The following RXRA variants were observed in gnomAD, a reference collection of about 807,000 sequenced individuals.
RXRA encodes retinoic acid receptor RXR-alpha.
In RXRA, 5 loss-of-function variants were observed where a neutral mutation model predicts 44.5. That is an observed-to-expected ratio of 0.11 (90% CI 0.06 to 0.24). RXRA has a LOEUF of 0.24. RXRA is among the 10% of genes least tolerant of loss of function. The pLI is 1.00. For synonymous variants in RXRA, 291 were observed against 271.4 expected, an observed-to-expected ratio of 1.07 and a Z score of -0.71; for missense variants, 412 against 646.5, an observed-to-expected ratio of 0.64 and a Z score of 3.93.
At chr9:134,369,672 A>C (rs758548912) in intron 1 of RXRA, among the ~76,000 whole-genome samples, 1 of 151,888 alleles carries the variant, frequency 6.6e-6, no homozygotes, top group African/African-American at 2.4e-5. Context: ...CATGGGAGTC[A>C]TGGGCCTGGG....
In RXRA at chr9:134,343,849, A is replaced by C. The variant is rs1830117146; in HGVS notation, c.28+17190A>C. ...GTGTTTCTTCCCGGAAGGCGGGGCC[A>C]GCTGGCTGGGTCAGCAGATGGGCTC... On this transcript the variant is annotated intron_variant, in intron 1 of 9. Coordinates refer to ENST00000481739, the MANE Select transcript of RXRA (RefSeq NM_002957.6). This position sits in a 1 kb window ranked among gnomAD's most constrained non-coding sequence, Gnocchi z 4.1. 6.6e-6 allele frequency among the ~76,000 whole-genome samples: 1 copy of C among 152,108 alleles called. No homozygotes were observed. Among genetic ancestry groups the C allele is most frequent in the African/African-American group, 2.4e-5 (1 of 41,434 alleles).
intron 2 of RXRA, among the ~76,000 whole-genome samples, chr9:134,406,891 C>T (rs2119153645): frequency 1.3e-5 from 2 of 152,382 alleles, no homozygotes; most frequent in South Asian, 4.1e-4. Flanking sequence ...CTTCAGTTCC[C>T]TCCCTTCTCT....
intron 1 of RXRA, among the ~76,000 whole-genome samples, chr9:134,348,600 C>T (rs1830183167): frequency 6.6e-6 from 1 of 152,232 alleles, no homozygotes; most frequent in Admixed American, 6.5e-5. Context: ...CTGAGTTCAT[C>T]CAGGCTTGAA....
intron 1 of RXRA, among the ~76,000 whole-genome samples, chr9:134,395,781 C>T (rs2119130597): frequency 6.6e-6 from 1 of 152,374 alleles, no homozygotes; most frequent in South Asian, 2.1e-4. Flanking sequence ...CTGGGTCTCT[C>T]CTAACTATTC....
chr9:134,430,024 T>C (rs1831505740), intron 7 of RXRA, among the ~76,000 whole-genome samples: 1 of 152,176 alleles, frequency 6.6e-6, no homozygotes, highest in Non-Finnish European at 1.5e-5. Context: ...TAGCTGGAAC[T>C]ACAGGCGCCC....
intron 1 of RXRA, among the ~76,000 whole-genome samples, chr9:134,347,489 A>AGGGG (rs1180183688): frequency 6.6e-6 from 1 of 152,064 alleles, no homozygotes; most frequent in Non-Finnish European, 1.5e-5. Context: ...GCCGAGCAGG[A>AGGGG]GGGGGGCCTG....
intron 1 of RXRA, among the ~76,000 whole-genome samples, chr9:134,382,900 G>A (rs1365516788): frequency 1.3e-5 from 2 of 152,206 alleles, no homozygotes. Flanking sequence ...CACCTGTCGA[G>A]TTCTTGGAGC....
At chr9:134,395,043 C>T (rs951187585) in intron 1 of RXRA, among the ~76,000 whole-genome samples, 4 of 152,228 alleles carry the variant, frequency 2.6e-5, no homozygotes, top group Admixed American at 6.5e-5. Context: ...AGGCAGAGGC[C>T]GGACAGGAGT....
chr9:134,413,640 C>T (rs908495937), intron 4 of RXRA, among the ~76,000 whole-genome samples: 1 of 152,206 alleles, frequency 6.6e-6, no homozygotes, highest in Non-Finnish European at 1.5e-5. Flanking sequence ...CTACCCAAGC[C>T]AGAGGAGCCA....
At chr9:134,429,064 G>C in intron 6 of RXRA, 44 bp from the exon 7 acceptor site, 1 of 1,608,670 alleles carries the variant, frequency 6.2e-7, no homozygotes, top group Non-Finnish European at 8.5e-7. Flanking sequence ...GGCGAGCCCC[G>C]TGGGGCCTGG....
At chr9:134,338,536 C>T (rs1465636532) in intron 1 of RXRA, among the ~76,000 whole-genome samples, 4 of 152,194 alleles carry the variant, frequency 2.6e-5, no homozygotes, top group African/African-American at 4.8e-5. Flanking sequence ...TCCCCACGTG[C>T]GTCTGGCCGC....
At chr9:134,380,149 G>A (rs2119099481) in intron 1 of RXRA, 1 of 985,468 alleles carries the variant, frequency 1.0e-6, no homozygotes, top group Non-Finnish European at 1.2e-6. Context: ...GTCCACCAGC[G>A]GCAAGTCAGG....
intron 1 of RXRA, among the ~76,000 whole-genome samples, chr9:134,388,331 TGGGGTCACTAC>T (rs1037384930): frequency 1.8e-4 from 22 of 121,392 alleles, no homozygotes; most frequent in African/African-American, 7.2e-4. Context: ...GCACACGTGT[TGGGGTCACTAC>T]GGGCATCTGG....
At chr9:134,334,576 A>G (rs183072052) in intron 1 of RXRA, among the ~76,000 whole-genome samples, 5 of 152,292 alleles carry the variant, frequency 3.3e-5, no homozygotes, top group Non-Finnish European at 5.9e-5. Flanking sequence ...AGCTCTCTAC[A>G]TGGTGGGGCT....
intron 4 of RXRA, among the ~76,000 whole-genome samples, chr9:134,414,010 C>T (rs556277471): frequency 3.0e-3 from 450 of 152,302 alleles, no homozygotes; most frequent in Non-Finnish European, 4.0e-3. Flanking sequence ...AGACACCTCC[C>T]GCCCGGCCTC....
chr9:134,361,668 T>A (rs1371682172), intron 1 of RXRA, among the ~76,000 whole-genome samples: 5 of 152,240 alleles, frequency 3.3e-5, no homozygotes, highest in African/African-American at 9.6e-5. Context: ...GTCTCCTAAT[T>A]GCCGAACAAG....
chr9:134,388,286 T>TGTGTGTGTGTGTGTGTGTGTGTGA (rs71381810), intron 1 of RXRA, among the ~76,000 whole-genome samples: 10,816 of 150,960 alleles, frequency 0.072, 621 homozygotes, highest in African/African-American at 0.16. Flanking sequence ...AGAAGCAGTG[T>TGTGTGTGTGTGTGTGTGTGTGTGA]GTGTGTGAGT....
chr9:134,374,555 C>T (rs1478421495), intron 1 of RXRA, among the ~76,000 whole-genome samples: 1 of 152,200 alleles, frequency 6.6e-6, no homozygotes, highest in Non-Finnish European at 1.5e-5. Flanking sequence ...CACCCCCCGC[C>T]TCCGGTCTTC....
chr9:134,362,377 C>T (rs1025224912), intron 1 of RXRA, among the ~76,000 whole-genome samples: 16 of 152,220 alleles, frequency 1.1e-4, no homozygotes, highest in Admixed American at 8.5e-4. Context: ...CTCTTAGGCC[C>T]GCCTCGCTGG....
Sources: gnomAD v4.1 joint callset for allele counts (sites outside exome capture counted in the v4.1 genomes callset) on GRCh38, gnomAD v4.1.1 for gene constraint, Gnocchi (gnomAD v3.1) non-coding constraint, MANE v1.5 for transcripts, NCBI Gene and HGNC (gene_info 2026-07-23, HGNC 2026-07-21) for gene names.